The following GAB1 variants were observed in gnomAD, a reference collection of about 807,000 sequenced individuals.
GAB1 encodes GRB2-associated-binding protein 1.
Under a neutral mutation model 66.5 loss-of-function variants are expected in GAB1, and 19 were observed. That is an observed-to-expected ratio of 0.29 (90% confidence interval 0.20 to 0.42). The LOEUF (loss-of-function observed/expected upper bound fraction) is 0.42, where lower values mean the gene tolerates loss of function less well. Ranked by LOEUF, GAB1 falls within the 10% of genes least tolerant of loss-of-function variation. The pLI, the probability that GAB1 is intolerant of heterozygous loss-of-function variation, is 1.00. For synonymous variants in GAB1, 294 were observed against 301.4 expected (o/e 0.98, Z 0.25); for missense variants, 732 against 858.5 (o/e 0.85, Z 1.84).
At chr4:143,437,438 TAAAG>T (rs1174769448) in intron 3 of GAB1, among the ~76,000 whole-genome samples, 14 of 152,196 alleles carry the variant, frequency 9.2e-5, no homozygotes, top group Non-Finnish European at 1.5e-5. Context: ...AAATGTTTGT[TAAAG>T]AAAAGTAGTG....
At chr4:143,462,566 CA>C (rs1353383788) in intron 8 of GAB1, among the ~76,000 whole-genome samples, 1 of 140,596 alleles carries the variant, frequency 7.1e-6, no homozygotes, top group East Asian at 2.0e-4. Context: ...AATCAAAATA[CA>C]ATTTTTTTTT....
At chr4:143,342,784 A>T (rs1166804009) in intron 1 of GAB1, among the ~76,000 whole-genome samples, 3 of 151,670 alleles carry the variant, frequency 2.0e-5, no homozygotes, top group East Asian at 3.9e-4. Flanking sequence ...GCTGGTCTCG[A>T]ACTCCTGACC....
intron 1 of GAB1, among the ~76,000 whole-genome samples, chr4:143,374,942 T>C (rs942388393): frequency 6.6e-6 from 1 of 152,204 alleles, no homozygotes; most frequent in African/African-American, 2.4e-5. Flanking sequence ...GGAATACTTT[T>C]TCAAGAATGC....
intron 1 of GAB1, among the ~76,000 whole-genome samples, chr4:143,384,044 G>A (rs902371052): frequency 2.0e-5 from 3 of 152,014 alleles, no homozygotes; most frequent in African/African-American, 7.2e-5. Context: ...CTGCACTCCA[G>A]CCTGGGTGAC....
intron 1 of GAB1, among the ~76,000 whole-genome samples, chr4:143,375,362 T>C (rs955519442): frequency 3.9e-5 from 6 of 152,242 alleles, no homozygotes; most frequent in African/African-American, 1.4e-4. Context: ...TTTTTATACC[T>C]AACGGACCTT....
rs371386532 is a variant in GAB1, at chr4:143,416,151, A to G, written c.367+380A>G. Among the ~76,000 whole-genome samples the G allele has an allele frequency of 5.3e-5, 8 of 152,338 alleles. No individual in the cohort carries two copies. In the East Asian group the frequency reaches 1.2e-3, roughly 22 times the overall value. The stretch of plus-strand genomic sequence containing the variant: ...CCGGGCGCGGTGGCTCATGCCTGCA[A>G]TCCCAGCACTCTGGGAGGCCGAGGC... On this transcript the variant is annotated intron_variant, in intron 2 of 9. Coordinates refer to ENST00000262994, the MANE Select transcript of GAB1 (RefSeq NM_002039.4).
intron 6 of GAB1, among the ~76,000 whole-genome samples, chr4:143,440,615 A>G (rs1734176105): frequency 6.6e-6 from 1 of 152,216 alleles, no homozygotes; most frequent in South Asian, 2.1e-4. Flanking sequence ...AGCAGAGGTT[A>G]CAAGCTGAAA....
chr4:143,444,620 TTTTTA>T lies in GAB1; in HGVS notation c.1585+4244_1585+4248del, dbSNP rs1335430304. ...AAATTTTTATTCTTTTGTATTTCAA[TTTTTA>T]TTTTAGTTTTAGGGGGGTGCATGTG... On this transcript the variant is annotated intron_variant, in intron 6 of 9. Coordinates refer to ENST00000262994, the MANE Select transcript of GAB1 (RefSeq NM_002039.4). Among the ~76,000 whole-genome samples the T allele has an allele frequency of 3.9e-5, 6 of 152,292 alleles. No homozygotes were observed. In the East Asian group the frequency reaches 1.2e-3, roughly 29 times the overall value.
In GAB1 at chr4:143,469,474, T is replaced by G. The variant is rs78979933; in HGVS notation, c.*285T>G. 1 of 274,410 alleles carries G rather than the reference T, an allele frequency of 3.6e-6. No individual in the cohort carries two copies. The highest frequency in any genetic ancestry group is 6.2e-5 in the East Asian group (1 of 16,222). 17.0% of individuals were successfully genotyped at this position (274,410 alleles called of 1,614,324 possible). The stretch of plus-strand genomic sequence containing the variant: ...CGTAGTATTACTGTATTTATGCACT[T>G]TTTCATCTAAAACATTGTTCTGGGT... On this transcript the variant is annotated 3_prime_UTR_variant, in exon 10 of 10. Transcript: ENST00000262994.
At chr4:143,405,063 C>A (rs1056386596) in intron 1 of GAB1, among the ~76,000 whole-genome samples, 1 of 152,100 alleles carries the variant, frequency 6.6e-6, no homozygotes, top group African/African-American at 2.4e-5. Flanking sequence ...TTTTCATGGT[C>A]TTGTTCTTTA....
chr4:143,350,018 G>T, intron 1 of GAB1: 1 of 1,561,140 alleles, frequency 6.4e-7, no homozygotes, highest in Non-Finnish European at 8.7e-7. Context: ...CCCCGGCCCC[G>T]GATGCCACTG....
At chr4:143,395,456 A>AT (rs1279825402) in intron 1 of GAB1, 10 of 154,602 alleles carry the variant, frequency 6.5e-5, no homozygotes, top group African/African-American at 2.4e-4. Context: ...TAAAAAGAGT[A>AT]TTTTAAAATT....
chr4:143,354,948 G>C (rs1729383561), intron 1 of GAB1, among the ~76,000 whole-genome samples: 1 of 152,164 alleles, frequency 6.6e-6, no homozygotes, highest in South Asian at 2.1e-4. Flanking sequence ...TTGAAACATA[G>C]ATACTGAAAT....
chr4:143,359,367 C>CA (rs1226542470), intron 1 of GAB1, among the ~76,000 whole-genome samples: 1 of 152,118 alleles, frequency 6.6e-6, no homozygotes, highest in East Asian at 1.9e-4. Context: ...AACAAATCAA[C>CA]AAAAAACCCA....
At chr4:143,425,784 T>G in intron 2 of GAB1, 1 of 776,872 alleles carries the variant, frequency 1.3e-6, no homozygotes, top group Non-Finnish European at 2.3e-6. Context: ...GGTTGCACAC[T>G]GATCTGAAGG....
At chr4:143,337,979 C>G (rs1173000208) in intron 1 of GAB1, among the ~76,000 whole-genome samples, 2 of 152,130 alleles carry the variant, frequency 1.3e-5, no homozygotes, top group African/African-American at 2.4e-5. Flanking sequence ...CTTGGATGTG[C>G]TGTCAAACTC....
intron 2 of GAB1, chr4:143,425,726 G>C (rs1224304719): frequency 1.3e-6 from 1 of 760,124 alleles, no homozygotes; most frequent in African/African-American, 1.7e-5. Context: ...AGGAATTTCA[G>C]TGTGAATGGA....
chr4:143,456,232 T>C (rs185877466), intron 6 of GAB1, among the ~76,000 whole-genome samples: 46 of 152,044 alleles, frequency 3.0e-4, no homozygotes, highest in Admixed American at 3.3e-4. Flanking sequence ...CCAAGGCGGG[T>C]GGATCACAAG....
intron 1 of GAB1, among the ~76,000 whole-genome samples, chr4:143,371,555 T>G (rs1730121706): frequency 6.6e-6 from 1 of 152,228 alleles, no homozygotes; most frequent in African/African-American, 2.4e-5. Context: ...TTAGTTTAAT[T>G]AGATCCCATT....
Sources: allele counts gnomAD v4.1 joint callset (sites outside exome capture counted in the v4.1 genomes callset), GRCh38; gene constraint gnomAD v4.1.1; transcripts MANE v1.5; gene names NCBI Gene and HGNC (gene_info 2026-07-23, HGNC 2026-07-21).